Variants in PHACTR3 observed in about 807,000 individuals in gnomAD.
PHACTR3 encodes the protein phosphatase and actin regulator 3.
In PHACTR3, 16 loss-of-function variants were observed where a neutral mutation model predicts 66.8. The observed-to-expected ratio is 0.24, with a 90% CI of 0.16 to 0.36. The LOEUF (loss-of-function observed/expected upper bound fraction) is 0.36, where lower values mean the gene tolerates loss of function less well. Among genes scored for constraint, PHACTR3 ranks in the 10% least tolerant of loss-of-function variants. The probability of loss-of-function intolerance (pLI) is 1.00; values close to 1 mark genes in which losing one functional copy is unlikely to be tolerated. For missense variants in PHACTR3, 647 were observed against 719.9 expected (o/e 0.90, Z 1.16); for synonymous variants, 323 against 292.1 (o/e 1.11, Z -1.08).
chr20:59,761,128 G>A lies in PHACTR3; in HGVS notation c.541+5764G>A, dbSNP rs371503618. Among the ~76,000 whole-genome samples the A allele has an allele frequency of 7.9e-5, 12 of 152,246 alleles. No homozygotes were observed. In the South Asian group the frequency reaches 2.5e-3, roughly 32 times the overall value. ...CTAGAACAAGGACTGTCAAATTGCAGGCTTCAGGTCAGATACTGCCCATGT... is the reference window on the plus strand; with the variant it reads ...CTAGAACAAGGACTGTCAAATTGCAAGCTTCAGGTCAGATACTGCCCATGT... On this transcript the variant is annotated intron_variant, in intron 4 of 12. Transcript: ENST00000371015.
chr20:59,836,261 A>G (rs1044110489), intron 8 of PHACTR3: 5 of 483,730 alleles, frequency 1.0e-5, no homozygotes, highest in Admixed American at 8.2e-5. Context: ...AGACCTGCAC[A>G]TGTGGAGCTG....
At chr20:59,743,975 G>T (rs1280001572) in intron 2 of PHACTR3, among the ~76,000 whole-genome samples, 1 of 152,182 alleles carries the variant, frequency 6.6e-6, no homozygotes, top group Non-Finnish European at 1.5e-5. Context: ...GATTGCGATG[G>T]CTGGTCCCGT....
chr20:59,622,589 C>T (rs560652713), intron 1 of PHACTR3, among the ~76,000 whole-genome samples: 1 of 152,256 alleles, frequency 6.6e-6, no homozygotes, highest in East Asian at 1.9e-4. Context: ...CGTGTGCCTG[C>T]TGCGAGGGGT....
intron 1 of PHACTR3, among the ~76,000 whole-genome samples, chr20:59,728,124 C>T (rs2038630859): frequency 6.6e-6 from 1 of 152,156 alleles, no homozygotes; most frequent in South Asian, 2.1e-4. Context: ...GTGTCTAGTT[C>T]CCGAACATTG....
chr20:59,751,686 C>T (rs115184624), intron 3 of PHACTR3, among the ~76,000 whole-genome samples: 254 of 152,236 alleles, frequency 1.7e-3, no homozygotes, highest in African/African-American at 5.7e-3. Context: ...ACCCCCTCCC[C>T]TCTCGTTCCT....
chr20:59,723,074 CTTT>C (rs771280997), intron 1 of PHACTR3, among the ~76,000 whole-genome samples: 1 of 132,848 alleles, frequency 7.5e-6, no homozygotes, highest in South Asian at 2.4e-4. Flanking sequence ...TTCTTTCTTT[CTTT>C]CTTTCTTTCT....
chr20:59,710,940 A>G (rs1018722395), intron 1 of PHACTR3, among the ~76,000 whole-genome samples: 21 of 152,172 alleles, frequency 1.4e-4, no homozygotes, highest in African/African-American at 5.1e-4. Context: ...AAAGTATTGC[A>G]CACTCATTAT....
At chr20:59,708,270 C>T (rs1352035042) in intron 1 of PHACTR3, among the ~76,000 whole-genome samples, 1 of 152,198 alleles carries the variant, frequency 6.6e-6, no homozygotes, top group Non-Finnish European at 1.5e-5. Flanking sequence ...GGGCTCACAA[C>T]CATGGTGCCT....
intron 1 of PHACTR3, among the ~76,000 whole-genome samples, chr20:59,678,293 G>A (rs1043470855): frequency 2.0e-5 from 3 of 152,232 alleles, no homozygotes; most frequent in African/African-American, 7.2e-5. Context: ...TGCTTGTGGG[G>A]TGACTGTTCA....
intron 1 of PHACTR3, among the ~76,000 whole-genome samples, chr20:59,668,420 G>A (rs2036071324): frequency 6.6e-6 from 1 of 152,154 alleles, no homozygotes. Flanking sequence ...ATAGGCTCCA[G>A]GCTCTTCCTC....
intron 4 of PHACTR3, among the ~76,000 whole-genome samples, chr20:59,760,619 A>G (rs1243658093): frequency 6.6e-6 from 1 of 152,210 alleles, no homozygotes; most frequent in Non-Finnish European, 1.5e-5. Flanking sequence ...CTCCCCAGCT[A>G]TATGGAACTA....
intron 7 of PHACTR3, among the ~76,000 whole-genome samples, chr20:59,781,658 A>C (rs2146925249): frequency 6.6e-6 from 1 of 152,354 alleles, no homozygotes; most frequent in East Asian, 1.9e-4. Flanking sequence ...TATAAACTAT[A>C]CATTAGGGGT....
rs1376555562 is a variant in PHACTR3 at position 59,686,770 on chromosome 20, GTGATGATGATGGTGA to G, written c.119-56328_119-56314del. ...GGTGATGATGATGGTGATGATGATG[GTGATGATGATGGTGA>G]TGATGATGGTGGTGATGATTGTGAT... On this transcript the variant is annotated intron_variant, in intron 1 of 12. Transcript: ENST00000371015. Among the ~76,000 whole-genome samples the G allele has an allele frequency of 2.6e-4, 37 of 141,152 alleles. No individual in the cohort carries two copies. The East Asian group carries it at 8.4e-3, about 32-fold the overall frequency. 92.6% of individuals were successfully genotyped at this position (141,152 alleles called of 152,430 possible).
chr20:59,628,567 C>A (rs894205527), intron 1 of PHACTR3: 2 of 947,172 alleles, frequency 2.1e-6, no homozygotes, highest in African/African-American at 1.8e-5. Flanking sequence ...GGGAGAGAGG[C>A]GAGCCCTGTT....
chr20:59,703,279 A>C (rs904762519), intron 1 of PHACTR3, among the ~76,000 whole-genome samples: 1 of 152,206 alleles, frequency 6.6e-6, no homozygotes, highest in African/African-American at 2.4e-5. Context: ...CATTGGGATC[A>C]CTTGTTCCTG....
chr20:59,824,604 T>A (rs1336091922), intron 8 of PHACTR3, among the ~76,000 whole-genome samples: 2 of 152,254 alleles, frequency 1.3e-5, no homozygotes, highest in Non-Finnish European at 2.9e-5. Flanking sequence ...TGCCCTGTGC[T>A]TGGCTATAAT....
rs759486922 is a variant in PHACTR3, at chr20:59,847,154, G to A, written c.*24G>A. 1 of 1,505,852 alleles carries A rather than the reference G, an allele frequency of 6.6e-7. No individual in the cohort carries two copies. The highest frequency in any genetic ancestry group is 1.2e-5 in the South Asian group (1 of 85,370). The allele number at this position is 1,505,852 out of a possible 1,614,324, so 93.3% of individuals were successfully genotyped here. A position where few individuals can be genotyped will look rare whatever the true frequency, so the allele number is the denominator to read the frequency against. On this transcript the variant is annotated 3_prime_UTR_variant, in exon 13 of 13. Coordinates refer to ENST00000371015, the MANE Select transcript of PHACTR3 (RefSeq NM_080672.5). ...AGAGATTTTCTTCTGAGAAGAATTT[G>A]TGTTTAATTTTTTGATACCAACACT...
At chr20:59,595,928 C>T (rs867062746) in intron 1 of PHACTR3, among the ~76,000 whole-genome samples, 3 of 152,078 alleles carry the variant, frequency 2.0e-5, no homozygotes, top group African/African-American at 7.2e-5. Context: ...TTGTAAGATA[C>T]CTGTTGAAAA....
chr20:59,750,796 G>A (rs535251725), intron 3 of PHACTR3, among the ~76,000 whole-genome samples: 10 of 152,200 alleles, frequency 6.6e-5, no homozygotes, highest in Non-Finnish European at 1.5e-4. Context: ...CTTCTGTGCT[G>A]CTTGAATCCT....
Sources: gnomAD v4.1 joint callset for allele counts (sites outside exome capture counted in the v4.1 genomes callset) on GRCh38, gnomAD v4.1.1 for gene constraint, MANE v1.5 for transcripts, NCBI Gene and HGNC (gene_info 2026-07-23, HGNC 2026-07-21) for gene names.